Variants in DLG2 observed in about 807,000 individuals in gnomAD.
The protein encoded by DLG2 is discs large MAGUK scaffold protein 2.
A neutral mutation model predicts 132.5 loss-of-function variants in DLG2; 45 were observed. The observed-to-expected ratio is 0.34, with a 90% confidence interval of 0.27 to 0.44. The LOEUF (loss-of-function observed/expected upper bound fraction) is 0.44. Ranked by LOEUF, DLG2 falls within the 20% of genes least tolerant of loss-of-function variation. The pLI, the probability that DLG2 is intolerant of heterozygous loss-of-function variation, is 1.00. For synonymous variants in DLG2, 424 were observed against 419.6 expected, an observed-to-expected ratio of 1.01 and a Z score of -0.13; for missense variants, 1,045 against 1,196.9, an observed-to-expected ratio of 0.87 and a Z score of 1.87.
At chr11:84,769,421 C>G (rs1271503807) in intron 6 of DLG2, among the ~76,000 whole-genome samples, 2 of 151,932 alleles carry the variant, frequency 1.3e-5, no homozygotes, top group African/African-American at 2.4e-5. Flanking sequence ...CAAATTAACC[C>G]AGTCAGAATA....
intron 3 of DLG2, among the ~76,000 whole-genome samples, chr11:85,482,183 G>C (rs1296335291): frequency 6.6e-6 from 1 of 151,992 alleles, no homozygotes; most frequent in Non-Finnish European, 1.5e-5. Flanking sequence ...GCCAACTCCT[G>C]CAGCCTTAAT....
intron 6 of DLG2, among the ~76,000 whole-genome samples, chr11:84,668,481 C>T (rs571152031): frequency 1.7e-4 from 26 of 152,240 alleles, no homozygotes; most frequent in South Asian, 8.3e-4. Context: ...CAGAATGCCT[C>T]GTTCACTGAA....
intron 9 of DLG2, among the ~76,000 whole-genome samples, chr11:84,134,814 C>T (rs10501554): frequency 0.074 from 11,183 of 151,750 alleles, 480 homozygotes; most frequent in African/African-American, 0.11. Flanking sequence ...ACTTCTACAA[C>T]GGAAACACCT....
chr11:83,720,583 C>A (rs2088227979), intron 18 of DLG2, among the ~76,000 whole-genome samples: 1 of 152,064 alleles, frequency 6.6e-6, no homozygotes, highest in Admixed American at 6.6e-5. Context: ...GGATCTCTCC[C>A]TGAACCCATA....
At chr11:85,508,935 G>A (rs1466670844) in intron 3 of DLG2, among the ~76,000 whole-genome samples, 4 of 151,974 alleles carry the variant, frequency 2.6e-5, no homozygotes, top group Non-Finnish European at 5.9e-5. Context: ...TGACTATGTT[G>A]ATGTTGAAGC....
intron 3 of DLG2, among the ~76,000 whole-genome samples, chr11:85,292,467 C>T (rs1275660616): frequency 6.6e-6 from 1 of 151,504 alleles, no homozygotes; most frequent in Non-Finnish European, 1.5e-5. Flanking sequence ...GGAATGAGTG[C>T]AAAACCCGGA....
At chr11:84,007,955 G>C (rs1268879519) in intron 11 of DLG2, among the ~76,000 whole-genome samples, 1 of 151,668 alleles carries the variant, frequency 6.6e-6, no homozygotes, top group Non-Finnish European at 1.5e-5. Flanking sequence ...TTTCTTTCAA[G>C]ATTGTAATGA....
chr11:83,622,859 A>C (rs1197790382), intron 19 of DLG2, among the ~76,000 whole-genome samples: 1 of 152,242 alleles, frequency 6.6e-6, no homozygotes, highest in Non-Finnish European at 1.5e-5. Context: ...TTCCATATGC[A>C]TATCAGAAGA....
chr11:84,562,461 C>A lies in DLG2; in HGVS notation c.358-27730G>T, dbSNP rs913759385. 1.2e-4 allele frequency among the ~76,000 whole-genome samples: 18 copies of A among 152,258 alleles called. 1 individual carries two copies. Among genetic ancestry groups the A allele is most frequent in the Admixed American group, 5.9e-4 (9 of 15,298 alleles). On this transcript the variant is annotated intron_variant, in intron 6 of 27. Transcript: ENST00000376104. ...GGTTTGCCTCATCTGCAAGTGCTCTCTCCCTTGACATTTTATCTCTAAATG... is the reference window on the plus strand; with the variant it reads ...GGTTTGCCTCATCTGCAAGTGCTCTATCCCTTGACATTTTATCTCTAAATG...
chr11:84,157,781 T>A (rs1376689949), intron 9 of DLG2, among the ~76,000 whole-genome samples: 1 of 152,248 alleles, frequency 6.6e-6, no homozygotes, highest in Non-Finnish European at 1.5e-5. Context: ...GTCTGTGCCC[T>A]GTACCTATGT....
chr11:85,128,529 A>G (rs529656834), intron 5 of DLG2, among the ~76,000 whole-genome samples: 7 of 152,290 alleles, frequency 4.6e-5, no homozygotes, highest in African/African-American at 1.4e-4. Flanking sequence ...ATGTTATTAC[A>G]TATGATACTT....
At chr11:84,236,406 A>G (rs1171735997) in intron 8 of DLG2, among the ~76,000 whole-genome samples, 3 of 152,216 alleles carry the variant, frequency 2.0e-5, no homozygotes, top group African/African-American at 7.2e-5. Flanking sequence ...CAGGTTCTAC[A>G]ATAACCTACC....
At chr11:84,261,459 A>G (rs1211023166) in intron 7 of DLG2, among the ~76,000 whole-genome samples, 1 of 152,138 alleles carries the variant, frequency 6.6e-6, no homozygotes, top group Non-Finnish European at 1.5e-5. Context: ...TCACTCCAGG[A>G]CTCAATCTAT....
chr11:84,669,818 A>G (rs1185243266), intron 6 of DLG2, among the ~76,000 whole-genome samples: 1 of 152,158 alleles, frequency 6.6e-6, no homozygotes, highest in African/African-American at 2.4e-5. Context: ...GAGATCCTCC[A>G]TGACCTCTCC....
intron 6 of DLG2, among the ~76,000 whole-genome samples, chr11:84,918,061 C>G (rs1476606393): frequency 6.6e-6 from 1 of 152,148 alleles, no homozygotes; most frequent in East Asian, 1.9e-4. Context: ...ATCATAGGAT[C>G]TAGCAAAGAG....
intron 7 of DLG2, among the ~76,000 whole-genome samples, chr11:84,357,648 T>C (rs2098624427): frequency 6.6e-6 from 1 of 151,976 alleles, no homozygotes; most frequent in Non-Finnish European, 1.5e-5. Flanking sequence ...TGAACAAATA[T>C]GGTAATAACA....
intron 8 of DLG2, among the ~76,000 whole-genome samples, chr11:84,249,848 G>C (rs571390496): frequency 6.6e-6 from 1 of 152,158 alleles, no homozygotes; most frequent in African/African-American, 2.4e-5. Flanking sequence ...AGAAGCCCTA[G>C]TTCAGTAGTT....
At chr11:85,257,898 T>C (rs1423569294) in intron 4 of DLG2, among the ~76,000 whole-genome samples, 1 of 152,172 alleles carries the variant, frequency 6.6e-6, no homozygotes, top group Non-Finnish European at 1.5e-5. Flanking sequence ...TGAGAGGTTA[T>C]GAAATTTACC....
At chr11:84,511,712 G>T (rs1179609775) in intron 7 of DLG2, among the ~76,000 whole-genome samples, 1 of 152,104 alleles carries the variant, frequency 6.6e-6, no homozygotes, top group East Asian at 1.9e-4. Context: ...GCTCCTGAGT[G>T]CTGGATAACT....
Sources: gnomAD v4.1 joint callset for allele counts (sites outside exome capture counted in the v4.1 genomes callset) on GRCh38, gnomAD v4.1.1 for gene constraint, MANE v1.5 for transcripts, NCBI Gene and HGNC (gene_info 2026-07-23, HGNC 2026-07-21) for gene names.